The following TRMT9B variants were observed in gnomAD, a reference collection of about 807,000 sequenced individuals.
TRMT9B encodes tRNA methyltransferase 9B (putative).
A neutral mutation model predicts 11.5 loss-of-function variants in TRMT9B; 16 were observed. That is an observed-to-expected ratio of 1.39 (90% confidence interval 0.94 to 2.11). The LOEUF is 2.11. TRMT9B is among the 30% of genes most tolerant of loss of function. TRMT9B has a pLI of 0.00. For synonymous variants in TRMT9B, 274 were observed against 192.4 expected (o/e 1.42, Z -3.51); for missense variants, 941 against 553.8 (o/e 1.70, Z -7.02).
intron 2 of TRMT9B, among the ~76,000 whole-genome samples, chr8:13,005,162 A>T (rs1240733820): frequency 6.6e-6 from 1 of 152,140 alleles, no homozygotes; most frequent in East Asian, 1.9e-4. Flanking sequence ...GGAGGTCATT[A>T]TGTTAGCTGA....
chr8:13,017,997 A>G (rs930370093), intron 4 of TRMT9B, among the ~76,000 whole-genome samples: 5 of 151,838 alleles, frequency 3.3e-5, no homozygotes, highest in African/African-American at 1.2e-4. Context: ...TATAAAACAT[A>G]ATATGAACGA....
At chr8:12,992,559 A>G (rs979115353) in intron 2 of TRMT9B, among the ~76,000 whole-genome samples, 2 of 152,014 alleles carry the variant, frequency 1.3e-5, no homozygotes, top group African/African-American at 4.8e-5. Flanking sequence ...CTTCATTTAA[A>G]CAGCATCATT....
In TRMT9B at chr8:13,024,028, G is replaced by C. The variant is rs1409265304; in HGVS notation, c.*1984G>C. 1.3e-5 allele frequency: 2 copies of C among 151,074 alleles called. No individual in the cohort carries two copies. The highest frequency in any genetic ancestry group is 3.1e-5 in the Non-Finnish European group (2 of 64,172). The allele number at this position is 151,074 out of a possible 1,614,324, so 9.4% of individuals were successfully genotyped here. On this transcript the variant is annotated 3_prime_UTR_variant, in exon 5 of 5. Coordinates refer to ENST00000524591, the MANE Select transcript of TRMT9B (RefSeq NM_020844.3). ...GGAGTATAAATTAAAAATTAATTTG[G>C]TTTCTTCTATTTCTTTTTTTTTTTT...
chr8:13,027,768 C>G lies in TRMT9B; in HGVS notation c.*5724C>G, dbSNP rs185423622. On this transcript the variant is annotated 3_prime_UTR_variant, in exon 5 of 5. Coordinates refer to ENST00000524591, the MANE Select transcript of TRMT9B (RefSeq NM_020844.3). ...TATGAGGTAAGCGTTATTATACACC[C>G]GTCCAGCAGATGGGAAAACCACGGA... 4.8e-4 allele frequency: 80 copies of G among 166,202 alleles called. No individual in the cohort carries two copies. The highest frequency in any genetic ancestry group is 1.0e-3 in the Non-Finnish European group (69 of 68,020). The allele number at this position is 166,202 out of a possible 1,614,324, so 10.3% of individuals were successfully genotyped here. A position where few individuals can be genotyped will look rare whatever the true frequency, so the allele number is the denominator to read the frequency against.
chr8:12,952,055 T>TA (rs1800695198), intron 1 of TRMT9B: 1 of 311,654 alleles, frequency 3.2e-6, no homozygotes, highest in Non-Finnish European at 6.6e-6. Flanking sequence ...CCTCACACTC[T>TA]AAAATAGGTC....
chr8:13,000,638 G>C (rs1359277539), intron 2 of TRMT9B, among the ~76,000 whole-genome samples: 2 of 152,116 alleles, frequency 1.3e-5, no homozygotes, highest in Non-Finnish European at 2.9e-5. Flanking sequence ...TTGATTGCTA[G>C]CATTCAATTT....
chr8:12,970,313 A>G (rs553056410), intron 1 of TRMT9B, among the ~76,000 whole-genome samples: 2 of 152,314 alleles, frequency 1.3e-5, no homozygotes, highest in Admixed American at 1.3e-4. Flanking sequence ...ATTTCTCCTC[A>G]TTTATTCACT....
chr8:13,027,406 A>C lies in TRMT9B; in HGVS notation c.*5362A>C, dbSNP rs954960061. On this transcript the variant is annotated 3_prime_UTR_variant, in exon 5 of 5. Transcript: ENST00000524591. ...GTACCCTAAAGCTTGGACTTAATCT[A>C]GCTTACCCTAGACGTATTAACATCC... 6.0e-6 allele frequency: 1 copy of C among 167,058 alleles called. No individual in the cohort carries two copies. Among genetic ancestry groups the C allele is most frequent in the Admixed American group, 6.5e-5 (1 of 15,276 alleles). 10.3% of individuals were successfully genotyped at this position (167,058 alleles called of 1,614,324 possible).
chr8:13,012,586 A>G, intron 3 of TRMT9B, 98 bp from the exon 4 acceptor site: 1 of 1,414,438 alleles, frequency 7.1e-7, no homozygotes. Context: ...AAATAAATAA[A>G]TAAATAAAAG....
At chr8:12,985,556 T>C (rs1806156317) in intron 1 of TRMT9B, among the ~76,000 whole-genome samples, 1 of 152,208 alleles carries the variant, frequency 6.6e-6, no homozygotes, top group South Asian at 2.1e-4. Context: ...GCTCTTATTC[T>C]GTGTTACTCC....
chr8:12,991,083 C>A, intron 2 of TRMT9B, 52 bp downstream of exon 2: 2 of 924,112 alleles, frequency 2.2e-6, no homozygotes, highest in Non-Finnish European at 2.8e-6. Context: ...GTGTTTTTAG[C>A]AATGTGCATA....
intron 1 of TRMT9B, among the ~76,000 whole-genome samples, chr8:12,990,123 G>A (rs1807074867): frequency 1.3e-5 from 2 of 152,200 alleles, no homozygotes; most frequent in Admixed American, 1.3e-4. Context: ...TTGTGGCAGT[G>A]TGGTGAACAC....
rs374171740 is a variant in TRMT9B at position 12,996,936 on chromosome 8, C to CTTTATTTTATTTTATTTTAT, written c.-2+5959_-2+5978dup. Among the ~76,000 whole-genome samples, 4 of 128,182 alleles carry CTTTATTTTATTTTATTTTAT rather than the reference C, an allele frequency of 3.1e-5. No homozygotes were observed. In the East Asian group the frequency reaches 6.7e-4, roughly 22 times the overall value. The allele number at this position is 128,182 out of a possible 152,430, so 84.1% of individuals were successfully genotyped here. On this transcript the variant is annotated intron_variant, in intron 2 of 4. Transcript: ENST00000524591. ...TTTGTTTTATCTGTTTTTGTACCTT[C>CTTTATTTTATTTTATTTTAT]TTTATTTTATTTTATTTTATTTTAT...
Position 13,025,013 on chromosome 8 carries a change from A to G in TRMT9B, c.*2969A>G, listed in dbSNP as rs1019139267. The G allele has an allele frequency of 1.3e-4, 22 of 167,096 alleles. No homozygotes were observed. The highest frequency in any genetic ancestry group is 5.3e-4 in the African/African-American group (22 of 41,456). 10.4% of individuals were successfully genotyped at this position (167,096 alleles called of 1,614,324 possible). On this transcript the variant is annotated 3_prime_UTR_variant, in exon 5 of 5. Coordinates refer to ENST00000524591, the MANE Select transcript of TRMT9B (RefSeq NM_020844.3). ...ACAGGTCATCAGTGAGTATAAACGT[A>G]GACAGTTGATTTGTGAATGCTGTCG... is the stretch of plus-strand genomic sequence containing the variant.
chr8:12,953,004 C>T (rs1233823528), intron 1 of TRMT9B, among the ~76,000 whole-genome samples: 1 of 152,186 alleles, frequency 6.6e-6, no homozygotes, highest in Non-Finnish European at 1.5e-5. Flanking sequence ...TCCCAAAGTG[C>T]TGGGATTACA....
chr8:12,986,303 T>C (rs997251818), intron 1 of TRMT9B, among the ~76,000 whole-genome samples: 1 of 152,152 alleles, frequency 6.6e-6, no homozygotes, highest in Admixed American at 6.5e-5. Context: ...CACTGTACTG[T>C]CTTCCCTGGG....
chr8:13,010,320 A>G (rs1811363471), intron 3 of TRMT9B: 3 of 960,106 alleles, frequency 3.1e-6, no homozygotes, highest in Middle Eastern at 5.3e-4. Context: ...ATGCATTTTA[A>G]TGAAATTGAA....
chr8:13,004,605 C>A (rs559684298), intron 2 of TRMT9B, among the ~76,000 whole-genome samples: 23 of 152,124 alleles, frequency 1.5e-4, no homozygotes, highest in Admixed American at 1.2e-3. Flanking sequence ...GGACCTAGTC[C>A]TGTCAGGACC....
chr8:13,001,216 T>C (rs1173891751), intron 2 of TRMT9B, among the ~76,000 whole-genome samples: 14 of 152,192 alleles, frequency 9.2e-5, no homozygotes, highest in Admixed American at 9.2e-4. Flanking sequence ...CCACTTGTGG[T>C]CATCTGACTA....
Sources: gnomAD v4.1 joint callset for allele counts (sites outside exome capture counted in the v4.1 genomes callset) on GRCh38, gnomAD v4.1.1 for gene constraint, MANE v1.5 for transcripts, NCBI Gene and HGNC (gene_info 2026-07-23, HGNC 2026-07-21) for gene names.